Variants in ADD1 observed in about 807,000 individuals in gnomAD.
ADD1 encodes the protein alpha-adducin.
In ADD1, 24 loss-of-function variants were observed where a neutral mutation model predicts 80.5. The ratio of observed to expected loss-of-function variants is 0.30; its 90% CI spans 0.22 to 0.42. The LOEUF (loss-of-function observed/expected upper bound fraction) is 0.42. Ranked by LOEUF, ADD1 falls within the 10% of genes least tolerant of loss-of-function variation. ADD1 has a pLI of 1.00. For synonymous variants in ADD1, 373 were observed against 393.8 expected, an observed-to-expected ratio of 0.95 and a Z score of 0.63; for missense variants, 948 against 1,019.0, an observed-to-expected ratio of 0.93 and a Z score of 0.95.
intron 1 of ADD1, among the ~76,000 whole-genome samples, chr4:2,848,257 C>T (rs1437281531): frequency 6.6e-6 from 1 of 151,328 alleles, no homozygotes; most frequent in African/African-American, 2.4e-5. Flanking sequence ...TAATATTAAA[C>T]TTTAATAGAG....
chr4:2,897,543 T>C (rs1003381072), intron 6 of ADD1, among the ~76,000 whole-genome samples: 2 of 37,582 alleles, frequency 5.3e-5, no homozygotes, highest in Non-Finnish European at 1.1e-4. Context: ...ACCTCCTCCT[T>C]TTTTTTTTTT....
At chr4:2,849,211 G>T (rs924358608) in intron 1 of ADD1, among the ~76,000 whole-genome samples, 4 of 152,072 alleles carry the variant, frequency 2.6e-5, no homozygotes, top group African/African-American at 9.7e-5. Context: ...ATGCCAAAAG[G>T]TACCTACTAA....
intron 1 of ADD1, among the ~76,000 whole-genome samples, chr4:2,859,334 T>C (rs1234087987): frequency 6.6e-6 from 1 of 152,178 alleles, no homozygotes; most frequent in South Asian, 2.1e-4. Flanking sequence ...TGTTAAAATA[T>C]TTTCTTATTG....
chr4:2,867,765 C>G (rs1029289846), intron 1 of ADD1: 2 of 152,124 alleles, frequency 1.3e-5, no homozygotes, highest in Admixed American at 6.5e-5. Flanking sequence ...GCTTTTGTTT[C>G]TAATTGGAGC....
At chr4:2,888,803 T>G (rs902841970) in intron 4 of ADD1, among the ~76,000 whole-genome samples, 1 of 152,134 alleles carries the variant, frequency 6.6e-6, no homozygotes, top group African/African-American at 2.4e-5. Flanking sequence ...GAGCAAATGT[T>G]GTATACTATG....
chr4:2,913,093 C>G (rs1410823392), intron 13 of ADD1, among the ~76,000 whole-genome samples: 1 of 152,118 alleles, frequency 6.6e-6, no homozygotes, highest in Non-Finnish European at 1.5e-5. Flanking sequence ...GGTGATCCAC[C>G]CGCCTCAGCT....
At chr4:2,896,174 A>T (rs1735188033) in intron 6 of ADD1, among the ~76,000 whole-genome samples, 1 of 151,646 alleles carries the variant, frequency 6.6e-6, no homozygotes. Flanking sequence ...GGTGTGAGCC[A>T]CTGCACCCGG....
At chr4:2,863,246 G>A (rs1729072960) in intron 1 of ADD1, among the ~76,000 whole-genome samples, 1 of 128,730 alleles carries the variant, frequency 7.8e-6, no homozygotes, top group African/African-American at 2.8e-5. Flanking sequence ...TTTTGGTAGA[G>A]CTAGGGTTCT....
At chr4:2,860,533 T>A (rs973102469) in intron 1 of ADD1, among the ~76,000 whole-genome samples, 1 of 152,202 alleles carries the variant, frequency 6.6e-6, no homozygotes, top group African/African-American at 2.4e-5. Flanking sequence ...AAAACTTAGA[T>A]TAGCGTTGTT....
intron 1 of ADD1, among the ~76,000 whole-genome samples, chr4:2,869,827 C>G (rs948071450): frequency 6.6e-6 from 1 of 152,158 alleles, no homozygotes; most frequent in Non-Finnish European, 1.5e-5. Context: ...TTCTTGGTCT[C>G]CTATTGACAA....
At chr4:2,878,651 G>A (rs541813730) in intron 2 of ADD1, among the ~76,000 whole-genome samples, 8 of 152,118 alleles carry the variant, frequency 5.3e-5, no homozygotes, top group East Asian at 1.9e-4. Context: ...AAGGCTGGGC[G>A]CGGTGGCTCA....
intron 4 of ADD1, among the ~76,000 whole-genome samples, chr4:2,885,332 C>T (rs1371056478): frequency 6.6e-6 from 1 of 152,200 alleles, no homozygotes; most frequent in Non-Finnish European, 1.5e-5. Flanking sequence ...CATTACCTTT[C>T]TCCATAGATT....
At chr4:2,906,275 TCTC>T (rs1737048299) in intron 10 of ADD1, among the ~76,000 whole-genome samples, 1 of 152,114 alleles carries the variant, frequency 6.6e-6, no homozygotes, top group South Asian at 2.1e-4. Context: ...GGAGTGCGTC[TCTC>T]CTCTTCTTTC....
In ADD1 at chr4:2,926,750, T is replaced by C; in HGVS notation, c.2047+638T>C. 6.7e-7 allele frequency: 1 copy of C among 1,490,244 alleles called. No homozygotes were observed. The allele number at this position is 1,490,244 out of a possible 1,614,324, so 92.3% of individuals were successfully genotyped here. A position where few individuals can be genotyped will look rare whatever the true frequency, so the allele number is the denominator to read the frequency against. Reference sequence around the variant, plus strand: ...CATTCTCCTGCTTCTTTGTTGTTTATTAAGTTTTGTTTTCTGTTTATTTAA... The same window carrying C: ...CATTCTCCTGCTTCTTTGTTGTTTACTAAGTTTTGTTTTCTGTTTATTTAA... On this transcript the variant is annotated intron_variant, in intron 15 of 15. Transcript: ENST00000683351. This position sits in a 1 kb window ranked among gnomAD's most constrained non-coding sequence, Gnocchi z 5.0.
intron 12 of ADD1, 168 bp from the exon 13 acceptor site, chr4:2,909,171 G>C: frequency 1.6e-6 from 1 of 624,956 alleles, no homozygotes; most frequent in Admixed American, 2.7e-5. Flanking sequence ...GTCCAGCCGT[G>C]GTCCTGGTTT....
intron 6 of ADD1, among the ~76,000 whole-genome samples, chr4:2,895,126 T>C (rs1362392133): frequency 6.6e-6 from 1 of 151,908 alleles, no homozygotes; most frequent in East Asian, 1.9e-4. Flanking sequence ...ACCAGTGTGG[T>C]GCGTGCCTGT....
At chr4:2,859,960 G>T (rs1233170238) in intron 1 of ADD1, among the ~76,000 whole-genome samples, 8 of 148,548 alleles carry the variant, frequency 5.4e-5, no homozygotes, top group African/African-American at 2.0e-4. Context: ...TCTCAGGTTA[G>T]TACTGTTAAT....
Position 2,928,645 on chromosome 4 carries a change from C to G in ADD1, c.*122C>G, listed in dbSNP as rs534665742. 9 of 1,099,020 alleles carry G rather than the reference C, an allele frequency of 8.2e-6. No individual in the cohort carries two copies. In the South Asian group the frequency reaches 1.3e-4, roughly 16 times the overall value. 68.1% of individuals were successfully genotyped at this position (1,099,020 alleles called of 1,614,324 possible). A position where few individuals can be genotyped will look rare whatever the true frequency, so the allele number is the denominator to read the frequency against. ...AAAGCCAAGCCCTCCGCCTAGAGGT[C>G]CCCTCACGTGACCAGCCCCGTGTAG... On this transcript the variant is annotated 3_prime_UTR_variant, in exon 16 of 16. Transcript: ENST00000683351.
intron 1 of ADD1, among the ~76,000 whole-genome samples, chr4:2,870,342 G>A (rs1468670418): frequency 2.0e-5 from 3 of 152,248 alleles, no homozygotes; most frequent in Non-Finnish European, 1.5e-5. Context: ...AGTAAATAAT[G>A]TACTAGGTAG....
Sources: gnomAD v4.1 joint callset for allele counts (sites outside exome capture counted in the v4.1 genomes callset) on GRCh38, gnomAD v4.1.1 for gene constraint, Gnocchi (gnomAD v3.1) non-coding constraint, MANE v1.5 for transcripts, NCBI Gene and HGNC (gene_info 2026-07-23, HGNC 2026-07-21) for gene names.